LRRC1: variants seen among roughly 807,000 people sequenced by gnomAD.
The protein encoded by LRRC1 is leucine-rich repeat-containing protein 1.
A neutral mutation model predicts 69.9 loss-of-function variants in LRRC1; 28 were observed. That is an observed-to-expected ratio of 0.40 (90% CI 0.30 to 0.55). LRRC1 has a LOEUF of 0.55. Among genes scored for constraint, LRRC1 ranks in the 20% least tolerant of loss-of-function variants. The probability of loss-of-function intolerance (pLI) is 0.47; values close to 1 mark genes in which losing one functional copy is unlikely to be tolerated. For synonymous variants in LRRC1, 236 were observed against 240.2 expected (o/e 0.98, Z 0.16); for missense variants, 498 against 609.0 (o/e 0.82, Z 1.92).
chr6:53,835,231 C>T (rs775677734), intron 1 of LRRC1, among the ~76,000 whole-genome samples: 13 of 152,164 alleles, frequency 8.5e-5, no homozygotes, highest in Non-Finnish European at 1.8e-4. Flanking sequence ...CTTTAGCCAT[C>T]GTTTTCCATT....
Position 53,923,193 on chromosome 6 carries a change from AT to A in LRRC1, c.*401del, listed in dbSNP as rs929699566. The A allele has an allele frequency of 1.9e-5, 3 of 158,624 alleles. No individual in the cohort carries two copies. Among genetic ancestry groups the A allele is most frequent in the African/African-American group, 7.2e-5 (3 of 41,668 alleles). 9.8% of individuals were successfully genotyped at this position (158,624 alleles called of 1,614,324 possible). ...CTACTGATGAGAGATAGTTTTATGT[AT>A]GGGGAAAAATGGATACTTTTTAAAC... On this transcript the variant is annotated 3_prime_UTR_variant, in exon 14 of 14. Coordinates refer to ENST00000370888, the MANE Select transcript of LRRC1 (RefSeq NM_018214.5).
intron 1 of LRRC1, among the ~76,000 whole-genome samples, chr6:53,827,403 C>A (rs1010785931): frequency 3.3e-5 from 5 of 150,234 alleles, no homozygotes; most frequent in African/African-American, 1.2e-4. Context: ...GGCGGGTATT[C>A]TGAGGGATGC....
intron 10 of LRRC1, among the ~76,000 whole-genome samples, chr6:53,913,431 T>A (rs1321651974): frequency 2.0e-5 from 3 of 152,134 alleles, no homozygotes; most frequent in Non-Finnish European, 4.4e-5. Flanking sequence ...AGTCTTGAAT[T>A]ATGTGTGTAT....
intron 1 of LRRC1, among the ~76,000 whole-genome samples, chr6:53,824,320 C>T (rs1765198830): frequency 6.6e-6 from 1 of 151,912 alleles, no homozygotes; most frequent in Admixed American, 6.6e-5. Context: ...TTGCCCTTTG[C>T]CCACTTTTTA....
intron 1 of LRRC1, among the ~76,000 whole-genome samples, chr6:53,796,087 T>C (rs1450425743): frequency 6.6e-6 from 1 of 152,190 alleles, no homozygotes; most frequent in Non-Finnish European, 1.5e-5. Flanking sequence ...CGTGGACCTG[T>C]TGCGTGGTGG....
At chr6:53,805,928 C>A (rs1764625276) in intron 1 of LRRC1, among the ~76,000 whole-genome samples, 1 of 152,252 alleles carries the variant, frequency 6.6e-6, no homozygotes, top group African/African-American at 2.4e-5. Context: ...TCCGCCTACC[C>A]CCACCACCTC....
intron 13 of LRRC1, among the ~76,000 whole-genome samples, chr6:53,921,519 G>GT (rs1232909729): frequency 1.3e-5 from 2 of 152,148 alleles, no homozygotes; most frequent in Non-Finnish European, 1.5e-5. Flanking sequence ...AGTTGGATTA[G>GT]TTAACAAGTT....
chr6:53,868,223 CTTT>C (rs141016862), intron 2 of LRRC1, among the ~76,000 whole-genome samples: 7 of 137,822 alleles, frequency 5.1e-5, no homozygotes, highest in Admixed American at 7.3e-5. Flanking sequence ...TAATGCTACT[CTTT>C]TTTTTTTTTT....
intron 4 of LRRC1, among the ~76,000 whole-genome samples, chr6:53,886,426 A>T (rs1767481969): frequency 6.6e-6 from 1 of 152,176 alleles, no homozygotes; most frequent in Admixed American, 6.5e-5. Context: ...CCAGTGAGGG[A>T]TGGCAGTTAT....
intron 2 of LRRC1, among the ~76,000 whole-genome samples, chr6:53,859,547 A>G (rs1269021084): frequency 3.9e-5 from 6 of 152,186 alleles, no homozygotes; most frequent in Admixed American, 3.9e-4. Flanking sequence ...ATGTCTTTAC[A>G]TTATGATCTT....
chr6:53,908,239 C>CTTT (rs1467455993), intron 10 of LRRC1, among the ~76,000 whole-genome samples: 5 of 152,200 alleles, frequency 3.3e-5, no homozygotes, highest in Non-Finnish European at 7.4e-5. Flanking sequence ...AGTTTAGGGT[C>CTTT]CTGTTTTCTT....
rs1764945152 is a variant in LRRC1 at position 53,816,163 on chromosome 6, T to C, written c.159+20748T>C. Among the ~76,000 whole-genome samples, 4 of 152,236 alleles carry C rather than the reference T, an allele frequency of 2.6e-5. No homozygotes were observed. The South Asian group carries it at 8.3e-4, about 32-fold the overall frequency. The stretch of plus-strand genomic sequence containing the variant: ...ACTTTTTAAAAAAGTAAAAGAGGCT[T>C]TAATCTTAAATACTTTTGACACTGG... On this transcript the variant is annotated intron_variant, in intron 1 of 13. Coordinates refer to ENST00000370888, the MANE Select transcript of LRRC1 (RefSeq NM_018214.5).
intron 5 of LRRC1, 87 bp downstream of exon 5, chr6:53,896,641 C>T: frequency 1.5e-6 from 2 of 1,317,658 alleles, no homozygotes; most frequent in South Asian, 1.2e-5. Context: ...TACGTGAAAA[C>T]ATTTGTGTGT....
chr6:53,801,738 T>C (rs1315126835), intron 1 of LRRC1, among the ~76,000 whole-genome samples: 1 of 152,098 alleles, frequency 6.6e-6, no homozygotes, highest in African/African-American at 2.4e-5. Flanking sequence ...AAACATTTAG[T>C]GAGTATCTGT....
chr6:53,877,272 G>A (rs1767103766), intron 2 of LRRC1, among the ~76,000 whole-genome samples: 1 of 152,146 alleles, frequency 6.6e-6, no homozygotes, highest in African/African-American at 2.4e-5. Context: ...ACAACATGGG[G>A]ACCCTGGACC....
intron 7 of LRRC1, 127 bp downstream of exon 7, chr6:53,897,486 G>T: frequency 1.6e-6 from 1 of 628,094 alleles, no homozygotes; most frequent in East Asian, 2.9e-5. Context: ...GATTGAAAAG[G>T]CACATTTGGA....
At chr6:53,893,138 C>T (rs930182304) in intron 4 of LRRC1, among the ~76,000 whole-genome samples, 3 of 152,144 alleles carry the variant, frequency 2.0e-5, no homozygotes, top group Non-Finnish European at 4.4e-5. Context: ...TTGTAAGGTA[C>T]CTAGCTGCAC....
intron 1 of LRRC1, among the ~76,000 whole-genome samples, chr6:53,810,339 G>A (rs539371265): frequency 2.0e-5 from 3 of 152,320 alleles, no homozygotes; most frequent in Admixed American, 1.3e-4. Context: ...AAGCTTTTAC[G>A]ACTGGGCATG....
At position 53,807,074 on chromosome 6, in the gene LRRC1, T is replaced by C. The variant is rs556634324; in HGVS notation, c.159+11659T>C. On this transcript the variant is annotated intron_variant, in intron 1 of 13. Coordinates refer to ENST00000370888, the MANE Select transcript of LRRC1 (RefSeq NM_018214.5). ...GTATTTTGAGAAACAGTTTGGGGAC[T>C]GACCATTAGAAATATCTATGGGTCA... Among the ~76,000 whole-genome samples the C allele has an allele frequency of 7.4e-4, 113 of 152,352 alleles. No individual in the cohort carries two copies. In the Middle Eastern group the frequency reaches 0.01, roughly 14 times the overall value.
Sources: allele counts gnomAD v4.1 joint callset (sites outside exome capture counted in the v4.1 genomes callset), GRCh38; gene constraint gnomAD v4.1.1; transcripts MANE v1.5; gene names NCBI Gene and HGNC (gene_info 2026-07-23, HGNC 2026-07-21).